The following SLC24A2 variants were observed in gnomAD, a reference collection of about 807,000 sequenced individuals.
SLC24A2 encodes the protein solute carrier family 24 member 2, also known as sodium/potassium/calcium exchanger 2.
In SLC24A2, 36 loss-of-function variants were observed where a neutral mutation model predicts 62.0. The ratio of observed to expected loss-of-function variants is 0.58; its 90% confidence interval spans 0.44 to 0.77. The LOEUF is 0.77. SLC24A2 is among the 30% of genes least tolerant of loss of function. The pLI, the probability that SLC24A2 is intolerant of heterozygous loss-of-function variation, is 0.00. For synonymous variants in SLC24A2, 358 were observed against 294.0 expected (o/e 1.22, Z -2.23); for missense variants, 846 against 817.9 (o/e 1.03, Z -0.42).
the SLC24A2 span, among the ~76,000 whole-genome samples, chr9:20,079,966 G>T: frequency 6.6e-6 from 1 of 152,182 alleles, no homozygotes; most frequent in Non-Finnish European, 1.5e-5. Flanking sequence ...ACTGCTCAAT[G>T]AAATAAAAGA....
chr9:19,956,614 A>T, the SLC24A2 span, among the ~76,000 whole-genome samples: 1 of 152,204 alleles, frequency 6.6e-6, no homozygotes, highest in South Asian at 2.1e-4. Flanking sequence ...AGCAGGCAAG[A>T]GAGAGAGCTT....
chr9:19,560,627 G>A (rs559746895), intron 7 of SLC24A2, among the ~76,000 whole-genome samples: 18 of 152,216 alleles, frequency 1.2e-4, no homozygotes, highest in African/African-American at 4.1e-4. Context: ...TAGATCTGTG[G>A]CAAAATAAAC....
chr9:19,815,213 G>C, the SLC24A2 span, among the ~76,000 whole-genome samples: 1 of 152,114 alleles, frequency 6.6e-6, no homozygotes, highest in Non-Finnish European at 1.5e-5. Context: ...GGAATAATCA[G>C]ATGATTAAGA....
chr9:19,704,681 C>A (rs1051151716), intron 2 of SLC24A2, among the ~76,000 whole-genome samples: 4 of 151,728 alleles, frequency 2.6e-5, no homozygotes, highest in African/African-American at 7.3e-5. Flanking sequence ...ATCAATGTAA[C>A]AAGAAACTGT....
chr9:20,173,733 G>A, the SLC24A2 span, among the ~76,000 whole-genome samples: 6 of 151,960 alleles, frequency 3.9e-5, no homozygotes, highest in African/African-American at 9.6e-5. Context: ...TTCCATGCTC[G>A]TACATAGGTA....
At chr9:19,790,543 A>AAC (rs1823304545), upstream of SLC24A2, among the ~76,000 whole-genome samples, 1 of 151,880 alleles carries the variant, frequency 6.6e-6, no homozygotes, top group Non-Finnish European at 1.5e-5. Flanking sequence ...AAAAAAAAAA[A>AAC]AAAAAGATAA....
the SLC24A2 span, among the ~76,000 whole-genome samples, chr9:20,057,258 T>G: frequency 6.6e-6 from 1 of 152,226 alleles, no homozygotes; most frequent in African/African-American, 2.4e-5. Context: ...TGATGCTCAT[T>G]ATGTTATTAA....
In SLC24A2 at chr9:19,753,021, T is replaced by A. The variant is rs563542933; in HGVS notation, c.930+32916A>T. On this transcript the variant is annotated intron_variant, in intron 2 of 10. Transcript: ENST00000341998. ...GCAAGGGCCAGAATCTCTAAGGATTTCAAAGGAGGTCCCTGATCCCTCAGG... is the reference window on the plus strand; with the variant it reads ...GCAAGGGCCAGAATCTCTAAGGATTACAAAGGAGGTCCCTGATCCCTCAGG... Among the ~76,000 whole-genome samples, 5 of 152,294 alleles carry A rather than the reference T, an allele frequency of 3.3e-5. No individual in the cohort carries two copies. In the South Asian group the frequency reaches 1.0e-3, roughly 32 times the overall value.
chr9:20,154,514 A>G, the SLC24A2 span, among the ~76,000 whole-genome samples: 3 of 151,804 alleles, frequency 2.0e-5, no homozygotes, highest in African/African-American at 7.3e-5. Flanking sequence ...GAATTACAAT[A>G]ATTATAAAGA....
At chr9:20,232,147 T>A in the SLC24A2 span, among the ~76,000 whole-genome samples, 1 of 152,232 alleles carries the variant, frequency 6.6e-6, no homozygotes, top group Admixed American at 6.5e-5. Flanking sequence ...CAGTATTTTA[T>A]TGAGGATTTT....
the SLC24A2 span, among the ~76,000 whole-genome samples, chr9:20,080,005 T>C: frequency 1.3e-5 from 2 of 152,210 alleles, no homozygotes; most frequent in Admixed American, 6.5e-5. Context: ...AAACGTTCCA[T>C]GCTCATGGGT....
intron 2 of SLC24A2, among the ~76,000 whole-genome samples, chr9:19,677,996 C>T (rs957458238): frequency 2.2e-4 from 34 of 152,254 alleles, no homozygotes; most frequent in African/African-American, 8.2e-4. Flanking sequence ...GAACAGAGGG[C>T]TTCAACCAGA....
chr9:19,522,671 G>A (rs757032507), intron 9 of SLC24A2, among the ~76,000 whole-genome samples: 19 of 152,082 alleles, frequency 1.2e-4, no homozygotes, highest in Non-Finnish European at 2.5e-4. Context: ...ATGTATGCAG[G>A]ATCCTCACCT....
chr9:20,238,361 A>T, the SLC24A2 span, among the ~76,000 whole-genome samples: 1 of 152,210 alleles, frequency 6.6e-6, no homozygotes, highest in Non-Finnish European at 1.5e-5. Flanking sequence ...ACATAGGCTG[A>T]AAAACCAATT....
At chr9:19,574,705 T>A (rs4391516) in intron 6 of SLC24A2, among the ~76,000 whole-genome samples, 4 of 152,124 alleles carry the variant, frequency 2.6e-5, no homozygotes, top group Non-Finnish European at 5.9e-5. Flanking sequence ...TTCACTAGAA[T>A]AATTTTTTTT....
At chr9:20,025,254 T>C in the SLC24A2 span, among the ~76,000 whole-genome samples, 1 of 152,262 alleles carries the variant, frequency 6.6e-6, no homozygotes, top group African/African-American at 2.4e-5. Context: ...GTATTAACCT[T>C]AGGGACAAGT....
At position 19,619,607 on chromosome 9, in the gene SLC24A2, T is replaced by C. The variant is rs1564001354; in HGVS notation, c.1055A>G (p.His352Arg). The C allele has an allele frequency of 1.2e-6, 2 of 1,613,858 alleles. No homozygotes were observed. Among genetic ancestry groups the C allele is most frequent in the Non-Finnish European group, 8.5e-7 (1 of 1,179,728 alleles). The change falls in exon 4 of 11, where the codon CAC becomes CGC. Residue 352 changes from histidine (H) to arginine (R), a missense_variant. By Grantham distance (29) the His-to-Arg change is conservative. Coordinates refer to ENST00000341998, the MANE Select transcript of SLC24A2 (RefSeq NM_020344.4). The part of the protein sequence containing the change: ...MRNSIFQLMI[H>R]TLDPLAEELG... The stretch of plus-strand genomic sequence containing the variant: ...ACCTTCGGCGAGTGGGTCAAGGGTG[T>C]GTATCATGAGTTGGAAGATGCTATT...
At chr9:19,955,597 G>A in the SLC24A2 span, among the ~76,000 whole-genome samples, 1 of 151,968 alleles carries the variant, frequency 6.6e-6, no homozygotes, top group African/African-American at 2.4e-5. Flanking sequence ...GACAATGACT[G>A]AATACATATG....
chr9:20,074,579 A>C, the SLC24A2 span, among the ~76,000 whole-genome samples: 15 of 83,920 alleles, frequency 1.8e-4, no homozygotes, highest in Non-Finnish European at 3.3e-4. Flanking sequence ...GGAAGGAAGG[A>C]AGGAAGGAAG....
Sources: gnomAD v4.1 joint callset for allele counts (sites outside exome capture counted in the v4.1 genomes callset) on GRCh38, gnomAD v4.1.1 for gene constraint, MANE v1.5 for transcripts, NCBI Gene and HGNC (gene_info 2026-07-23, HGNC 2026-07-21) for gene names.